The following RHBDD1 variants were observed in gnomAD, a reference collection of about 807,000 sequenced individuals.
The protein encoded by RHBDD1 is rhomboid domain containing 1, also known as rhomboid-related protein 4.
A neutral mutation model predicts 36.3 loss-of-function variants in RHBDD1; 38 were observed. The ratio of observed to expected loss-of-function variants is 1.05; its 90% confidence interval spans 0.81 to 1.37. The LOEUF is 1.37. Among genes scored for constraint, RHBDD1 ranks in the 40% most tolerant of loss-of-function variants. The pLI is 0.00. For missense variants in RHBDD1, 393 were observed against 377.6 expected (o/e 1.04, Z -0.34); for synonymous variants, 151 against 136.5 (o/e 1.11, Z -0.74).
intron 8 of RHBDD1, among the ~76,000 whole-genome samples, chr2:226,970,429 AGTCTCATGATATGG>A (rs1953239266): frequency 6.6e-6 from 1 of 152,106 alleles, no homozygotes; most frequent in African/African-American, 2.4e-5. Flanking sequence ...TCATGATATG[AGTCTCATGATATGG>A]ACCAAGTTTT....
At chr2:226,823,699 G>A in the RHBDD1 span, among the ~76,000 whole-genome samples, 3 of 152,124 alleles carry the variant, frequency 2.0e-5, no homozygotes, top group Non-Finnish European at 2.9e-5. Flanking sequence ...AACACATACT[G>A]GGTAATTTAT....
chr2:226,916,046 C>A (rs147344323), intron 8 of RHBDD1, among the ~76,000 whole-genome samples: 116 of 152,310 alleles, frequency 7.6e-4, no homozygotes, highest in African/African-American at 2.7e-3. Context: ...CCTCAGCCAG[C>A]AGGCTAGCCT....
chr2:226,885,293 G>A (rs1385974676), intron 5 of RHBDD1, among the ~76,000 whole-genome samples: 3 of 152,020 alleles, frequency 2.0e-5, no homozygotes, highest in African/African-American at 7.2e-5. Flanking sequence ...TTTGTAAAAA[G>A]GTTTATACCC....
chr2:226,968,605 T>G (rs922409038), intron 8 of RHBDD1, among the ~76,000 whole-genome samples: 3 of 152,214 alleles, frequency 2.0e-5, no homozygotes, highest in African/African-American at 7.2e-5. Context: ...TTAGCCCACT[T>G]GACACACAAA....
chr2:226,891,832 G>C (rs971696392), intron 5 of RHBDD1, among the ~76,000 whole-genome samples: 34 of 152,222 alleles, frequency 2.2e-4, no homozygotes, highest in African/African-American at 8.2e-4. Context: ...GGAAGAACCT[G>C]TAAGAACTGG....
At chr2:226,816,736 A>G in the RHBDD1 span, among the ~76,000 whole-genome samples, 179 of 152,252 alleles carry the variant, frequency 1.2e-3, no homozygotes, top group East Asian at 0.015. Context: ...TCTCTACTAA[A>G]AATACAAAAA....
chr2:226,958,880 TAA>T (rs1261485655), intron 8 of RHBDD1, among the ~76,000 whole-genome samples: 1 of 152,140 alleles, frequency 6.6e-6, no homozygotes, highest in Non-Finnish European at 1.5e-5. Flanking sequence ...GAGCTAGACA[TAA>T]GACATTTTTT....
At chr2:226,818,668 G>A in the RHBDD1 span, among the ~76,000 whole-genome samples, 8 of 151,424 alleles carry the variant, frequency 5.3e-5, no homozygotes, top group South Asian at 2.1e-4. Flanking sequence ...GTGAAACCCC[G>A]TCTCTCCTAA....
rs191866523 is a variant in RHBDD1 at position 226,862,664 on chromosome 2, G to A, written c.-90-1940G>A. ...TTCCCTTACTAGCTTCTTCTCATGA[G>A]CATGAAACAGTCCCTCCCTGGCTTA... On this transcript the variant is annotated intron_variant, in intron 3 of 8. Coordinates refer to ENST00000392062, the MANE Select transcript of RHBDD1 (RefSeq NM_001167608.3). Among the ~76,000 whole-genome samples, 314 of 152,280 alleles carry A rather than the reference G, an allele frequency of 2.1e-3. 1 individual carries two copies. The highest frequency in any genetic ancestry group is 3.5e-3 in the Non-Finnish European group (240 of 68,026).
At chr2:226,851,610 T>C (rs1404002569) in intron 3 of RHBDD1, among the ~76,000 whole-genome samples, 1 of 152,158 alleles carries the variant, frequency 6.6e-6, no homozygotes, top group Non-Finnish European at 1.5e-5. Context: ...GGGGATCCCC[T>C]GCACCTCGCT....
intron 3 of RHBDD1, among the ~76,000 whole-genome samples, chr2:226,849,519 G>A (rs531968590): frequency 1.8e-4 from 28 of 152,310 alleles, no homozygotes; most frequent in Non-Finnish European, 3.1e-4. Context: ...ATTGCCCTCA[G>A]GCTCCACCTA....
At chr2:226,941,763 G>A (rs115259594) in intron 8 of RHBDD1, among the ~76,000 whole-genome samples, 82 of 152,188 alleles carry the variant, frequency 5.4e-4, no homozygotes, top group African/African-American at 1.8e-3. Flanking sequence ...AAGCCACTTC[G>A]CATTTGGGTT....
chr2:226,846,878 A>C (rs1355507558), intron 3 of RHBDD1, among the ~76,000 whole-genome samples: 1 of 152,204 alleles, frequency 6.6e-6, no homozygotes, highest in Non-Finnish European at 1.5e-5. Context: ...TATGTAAGTA[A>C]ATGTGGCATT....
intron 7 of RHBDD1, among the ~76,000 whole-genome samples, chr2:226,913,846 C>T (rs1238322323): frequency 6.6e-6 from 1 of 152,182 alleles, no homozygotes; most frequent in Non-Finnish European, 1.5e-5. Flanking sequence ...CCACCATTCT[C>T]TTGACTCAAG....
At chr2:226,948,585 A>AAC (rs1559302909) in intron 8 of RHBDD1, among the ~76,000 whole-genome samples, 2 of 116,674 alleles carry the variant, frequency 1.7e-5, no homozygotes, top group Admixed American at 8.8e-5. Context: ...AAAAAAAAAA[A>AAC]CGAAAAAAAT....
At chr2:226,948,753 C>T (rs1467381877) in intron 8 of RHBDD1, among the ~76,000 whole-genome samples, 1 of 152,146 alleles carries the variant, frequency 6.6e-6, no homozygotes, top group Non-Finnish European at 1.5e-5. Flanking sequence ...TGCCCTCTCT[C>T]ACCACTCCTG....
intron 5 of RHBDD1, among the ~76,000 whole-genome samples, chr2:226,876,430 C>G (rs1945247915): frequency 6.6e-6 from 1 of 152,140 alleles, no homozygotes; most frequent in Non-Finnish European, 1.5e-5. Flanking sequence ...TGGGAACTTC[C>G]TACATGCCAA....
At position 226,914,345 on chromosome 2, in the gene RHBDD1, G is replaced by A. The variant is rs1948742026; in HGVS notation, c.850G>A (p.Asp284Asn). 7 of 1,613,074 alleles carry A rather than the reference G, an allele frequency of 4.3e-6. No homozygotes were observed. The highest frequency in any genetic ancestry group is 5.9e-6 in the Non-Finnish European group (7 of 1,179,466). Residue 284 changes from aspartate to asparagine, a missense_variant, in exon 8 of 9, where the codon GAC (aspartate) becomes AAC (asparagine). Coordinates refer to ENST00000392062, the MANE Select transcript of RHBDD1 (RefSeq NM_001167608.3). ...GAGAGCATTACAAGCCAGCCTCTGG[G>A]ACCGAGGTAGGAGTCTTGCGCCCTT... is the stretch of plus-strand genomic sequence containing the variant. Reference protein sequence around the residue: ...LERALQASLWDRGNTRNSPPP... With the variant: ...LERALQASLWNRGNTRNSPPP...
the RHBDD1 span, among the ~76,000 whole-genome samples, chr2:226,824,100 C>A: frequency 0.24 from 37,123 of 151,724 alleles, 5,385 homozygotes; most frequent in African/African-American, 0.41. Flanking sequence ...TTTTCTCTCT[C>A]TATATATATA....
Sources: gnomAD v4.1 joint callset for allele counts (sites outside exome capture counted in the v4.1 genomes callset) on GRCh38, gnomAD v4.1.1 for gene constraint, MANE v1.5 for transcripts, NCBI Gene and HGNC (gene_info 2026-07-23, HGNC 2026-07-21) for gene names.